ACAP2: variants seen among roughly 807,000 people sequenced by gnomAD.
ACAP2 encodes arf-GAP with coiled-coil, ANK repeat and PH domain-containing protein 2.
A neutral mutation model predicts 115.8 loss-of-function variants in ACAP2; 39 were observed. The ratio of observed to expected loss-of-function variants is 0.34; its 90% CI spans 0.26 to 0.44. ACAP2 has a LOEUF of 0.44. Ranked by LOEUF, ACAP2 falls within the 20% of genes least tolerant of loss-of-function variation. The pLI is 1.00. For synonymous variants in ACAP2, 289 were observed against 315.8 expected (o/e 0.92, Z 0.90); for missense variants, 662 against 927.6 (o/e 0.71, Z 3.72).
At chr3:195,283,134 G>C (rs541683352) in intron 22 of ACAP2, among the ~76,000 whole-genome samples, 1 of 152,262 alleles carries the variant, frequency 6.6e-6, no homozygotes, top group East Asian at 1.9e-4. Flanking sequence ...AACTGGCTGA[G>C]AGCCTGCCAA....
At chr3:195,371,480 T>C (rs774717287) in intron 4 of ACAP2, among the ~76,000 whole-genome samples, 4 of 152,136 alleles carry the variant, frequency 2.6e-5, no homozygotes, top group African/African-American at 9.7e-5. Context: ...TTTCTAGATA[T>C]AGCATCAAGT....
At chr3:195,332,554 T>TA (rs142961043) in intron 8 of ACAP2, among the ~76,000 whole-genome samples, 1,876 of 152,264 alleles carry the variant, frequency 0.012, 23 homozygotes, top group Non-Finnish European at 0.019. Context: ...ATTAAGTAAA[T>TA]AAAACATCAA....
chr3:195,362,190 C>T (rs1251184924), intron 4 of ACAP2, among the ~76,000 whole-genome samples: 1 of 151,950 alleles, frequency 6.6e-6, no homozygotes, highest in East Asian at 1.9e-4. Flanking sequence ...GTGGCACTTG[C>T]CTGTAATCCC....
At chr3:195,304,752 G>C in intron 13 of ACAP2, among the ~76,000 whole-genome samples, 1 of 152,154 alleles carries the variant, frequency 6.6e-6, no homozygotes, top group East Asian at 1.9e-4. Flanking sequence ...CACATCAGCC[G>C]AAAAGACTCA....
intron 1 of ACAP2, chr3:195,441,770 A>G (rs1237295261): frequency 6.6e-6 from 1 of 152,238 alleles, no homozygotes; most frequent in Non-Finnish European, 1.5e-5. Context: ...AAATAAATAC[A>G]CTGTAAAACG....
At position 195,406,338 on chromosome 3, in the gene ACAP2, C is replaced by T. The variant is rs759013851; in HGVS notation, c.54-14191G>A. 1.4e-3 allele frequency among the ~76,000 whole-genome samples: 214 copies of T among 152,112 alleles called. 9 individuals are homozygous for T. The highest frequency in any genetic ancestry group is 3.8e-4 in the Non-Finnish European group (26 of 68,018). On this transcript the variant is annotated intron_variant, in intron 1 of 22. Coordinates refer to ENST00000326793, the MANE Select transcript of ACAP2 (RefSeq NM_012287.6). Reference sequence around the variant, plus strand: ...GACTGTAAAACTTCAGTCATGTGTACTCAGGCTGGGCATTTATTTATATTC... The same window carrying T: ...GACTGTAAAACTTCAGTCATGTGTATTCAGGCTGGGCATTTATTTATATTC...
chr3:195,386,251 C>A (rs1734292867), intron 2 of ACAP2, among the ~76,000 whole-genome samples: 1 of 152,104 alleles, frequency 6.6e-6, no homozygotes, highest in Non-Finnish European at 1.5e-5. Flanking sequence ...TTGGGAGTGA[C>A]TGCTAATAGA....
intron 10 of ACAP2, among the ~76,000 whole-genome samples, chr3:195,313,539 G>A (rs1381703611): frequency 6.6e-6 from 1 of 152,136 alleles, no homozygotes; most frequent in Admixed American, 6.5e-5. Context: ...GGTTATCAGT[G>A]ACTTGAAAGC....
intron 4 of ACAP2, among the ~76,000 whole-genome samples, chr3:195,372,987 CAAAAAAAA>C (rs869134113): frequency 7.9e-4 from 14 of 17,774 alleles, no homozygotes; most frequent in African/African-American, 2.1e-3. Flanking sequence ...GACTCCATCT[CAAAAAAAA>C]AAAAAAAAAA....
chr3:195,349,060 G>A (rs893864903), intron 4 of ACAP2, among the ~76,000 whole-genome samples: 4 of 12,446 alleles, frequency 3.2e-4, no homozygotes, highest in Non-Finnish European at 4.4e-4. Flanking sequence ...ATAACACTAT[G>A]GAACCTGCAA....
At chr3:195,402,465 A>C (rs1328776987) in intron 1 of ACAP2, among the ~76,000 whole-genome samples, 1 of 152,246 alleles carries the variant, frequency 6.6e-6, no homozygotes, top group Non-Finnish European at 1.5e-5. Context: ...TAATGAAAAA[A>C]GGAAAAAGTC....
chr3:195,410,028 C>A (rs1219783395), intron 1 of ACAP2, among the ~76,000 whole-genome samples: 1 of 151,816 alleles, frequency 6.6e-6, no homozygotes, highest in Admixed American at 6.6e-5. Context: ...TCAAAACTTA[C>A]CACAAAGCCA....
At position 195,279,384 on chromosome 3, in the gene ACAP2, C is replaced by T; in HGVS notation, c.2281G>A (p.Ala761Thr). ...QDIFRDFSQM[A>T]SNNPEKLNRF... The stretch of plus-strand genomic sequence containing the variant: ...TTTAGTTTCTCTGGATTATTGGATG[C>T]CATTTGGGAAAAATCACGAAATATG... The change falls in exon 23 of 23, where the codon GCA (alanine) becomes ACA (threonine). Residue 761 changes from alanine to threonine, a missense_variant. By Grantham distance (58) the Ala-to-Thr change is moderately conservative (BLOSUM62 0). Transcript: ENST00000326793. The T allele has an allele frequency of 1.2e-6, 2 of 1,605,858 alleles. No homozygotes were observed. Among genetic ancestry groups the T allele is most frequent in the South Asian group, 1.1e-5 (1 of 88,874 alleles).
chr3:195,323,786 C>T (rs188446134), intron 9 of ACAP2, among the ~76,000 whole-genome samples: 2 of 149,066 alleles, frequency 1.3e-5, no homozygotes, highest in Admixed American at 6.7e-5. Flanking sequence ...GGGGTGTCAG[C>T]GAGTGGGGAT....
chr3:195,358,599 CAG>C (rs1398197329), intron 4 of ACAP2, among the ~76,000 whole-genome samples: 1 of 152,032 alleles, frequency 6.6e-6, no homozygotes, highest in East Asian at 1.9e-4. Context: ...AAGAACGTAT[CAG>C]AGTCTCTTAA....
rs544055331 is a variant in ACAP2, at chr3:195,419,615, G to A, written c.53+23180C>T. On this transcript the variant is annotated intron_variant, in intron 1 of 22. Transcript: ENST00000326793. ...GCATTTGTCTTTGGTGTCATGCTTA[G>A]ACAGACTGTCCTGGTCCCAAGCTAG... is the stretch of plus-strand genomic sequence containing the variant. 7 of 152,248 alleles carry A rather than the reference G, an allele frequency of 4.6e-5. No homozygotes were observed. In the East Asian group the frequency reaches 1.4e-3, roughly 29 times the overall value. 9.4% of individuals were successfully genotyped at this position (152,248 alleles called of 1,614,324 possible).
intron 7 of ACAP2, chr3:195,336,095 G>A (rs1730489514): frequency 6.6e-6 from 1 of 151,004 alleles, no homozygotes; most frequent in African/African-American, 2.4e-5. Flanking sequence ...GTTCAGATGG[G>A]GTTTCACCAT....
chr3:195,421,076 G>A (rs1714152915), intron 1 of ACAP2, among the ~76,000 whole-genome samples: 1 of 152,166 alleles, frequency 6.6e-6, no homozygotes, highest in Admixed American at 6.5e-5. Context: ...AAAAATCACT[G>A]TGCTTTATTA....
chr3:195,389,196 G>C (rs1375219208), intron 2 of ACAP2, among the ~76,000 whole-genome samples: 2 of 152,120 alleles, frequency 1.3e-5, no homozygotes, highest in East Asian at 1.9e-4. Flanking sequence ...CGGGCTTATA[G>C]TTCTTAGCAC....
Sources: gnomAD v4.1 joint callset for allele counts (sites outside exome capture counted in the v4.1 genomes callset) on GRCh38, gnomAD v4.1.1 for gene constraint, MANE v1.5 for transcripts, NCBI Gene and HGNC (gene_info 2026-07-23, HGNC 2026-07-21) for gene names.